Variants in TTC29 observed in about 807,000 individuals in gnomAD.
The protein encoded by TTC29 is tetratricopeptide repeat protein 29.
In TTC29, 49 loss-of-function variants were observed where a neutral mutation model predicts 58.1. The ratio of observed to expected loss-of-function variants is 0.84; its 90% CI spans 0.67 to 1.07. TTC29 has a LOEUF of 1.07. Ranked by LOEUF, TTC29 falls within the 50% of genes least tolerant of loss-of-function variation. The pLI, the probability that TTC29 is intolerant of heterozygous loss-of-function variation, is 0.00. For synonymous variants in TTC29, 209 were observed against 196.8 expected (o/e 1.06, Z -0.52); for missense variants, 582 against 555.6 (o/e 1.05, Z -0.48).
At chr4:146,894,235 G>A (rs1463750354) in intron 6 of TTC29, among the ~76,000 whole-genome samples, 1 of 152,066 alleles carries the variant, frequency 6.6e-6, no homozygotes, top group Non-Finnish European at 1.5e-5. Context: ...GCACACGTAT[G>A]TTTATTGCGG....
Position 146,908,662 on chromosome 4 carries a change from C to T in TTC29, c.400+364G>A, listed in dbSNP as rs552194031. 2.0e-5 allele frequency among the ~76,000 whole-genome samples: 3 copies of T among 152,294 alleles called. No homozygotes were observed. The East Asian group carries it at 5.8e-4, about 29-fold the overall frequency. On this transcript the variant is annotated intron_variant, in intron 5 of 12. Transcript: ENST00000325106. ...AGTGTGATTTTCAAGTTATAGTACT[C>T]TTTGAAAGTATCTCCTCTATGAAAG...
At chr4:146,854,881 A>T (rs1286893770) in intron 8 of TTC29, among the ~76,000 whole-genome samples, 1 of 152,188 alleles carries the variant, frequency 6.6e-6, no homozygotes, top group Non-Finnish European at 1.5e-5. Context: ...AAGCTGTTAC[A>T]CACATCTATA....
At chr4:146,918,224 A>C (rs72960337) in intron 4 of TTC29, among the ~76,000 whole-genome samples, 23,896 of 150,988 alleles carry the variant, frequency 0.16, 3,013 homozygotes, top group African/African-American at 0.34. Context: ...ACAAATTGAA[A>C]AATGCTATTT....
At chr4:146,887,249 C>G (rs747418022) in intron 6 of TTC29, among the ~76,000 whole-genome samples, 1 of 152,052 alleles carries the variant, frequency 6.6e-6, no homozygotes, top group African/African-American at 2.4e-5. Context: ...AACAAAATAA[C>G]CTCTTAGTAT....
intron 11 of TTC29, among the ~76,000 whole-genome samples, chr4:146,799,742 T>C (rs763932210): frequency 3.7e-4 from 56 of 152,352 alleles, no homozygotes; most frequent in Middle Eastern, 3.4e-3. Flanking sequence ...GTTACTGATA[T>C]AATTATTATC....
At chr4:146,913,604 G>A (rs1019691538) in intron 4 of TTC29, among the ~76,000 whole-genome samples, 5 of 152,204 alleles carry the variant, frequency 3.3e-5, no homozygotes, top group East Asian at 1.9e-4. Flanking sequence ...AGGTGTAGGA[G>A]GTTGCTGGTG....
At chr4:146,746,008 T>C (rs1745515233) in intron 11 of TTC29, among the ~76,000 whole-genome samples, 1 of 152,184 alleles carries the variant, frequency 6.6e-6, no homozygotes, top group Non-Finnish European at 1.5e-5. Flanking sequence ...GCTTTCTATA[T>C]TGCAATTGGG....
intron 2 of TTC29, chr4:146,942,647 C>T (rs1017351264): frequency 6.5e-7 from 1 of 1,529,938 alleles, no homozygotes; most frequent in Non-Finnish European, 8.7e-7. Flanking sequence ...CAGTGAACAT[C>T]GGAATCATCT....
At chr4:146,895,129 T>G (rs1394459898) in intron 6 of TTC29, among the ~76,000 whole-genome samples, 3 of 152,194 alleles carry the variant, frequency 2.0e-5, no homozygotes, top group Non-Finnish European at 1.5e-5. Flanking sequence ...TCCAACTCTA[T>G]CTATGTCCCT....
chr4:146,769,410 G>A (rs938445194), intron 11 of TTC29, among the ~76,000 whole-genome samples: 1 of 151,782 alleles, frequency 6.6e-6, no homozygotes, highest in Non-Finnish European at 1.5e-5. Flanking sequence ...ATCAATTATG[G>A]GATTTGACTA....
intron 11 of TTC29, among the ~76,000 whole-genome samples, chr4:146,788,360 C>T (rs1210757774): frequency 1.3e-5 from 2 of 152,184 alleles, no homozygotes; most frequent in Non-Finnish European, 2.9e-5. Context: ...ATGTGGGGCA[C>T]ATTATTCCAT....
intron 9 of TTC29, among the ~76,000 whole-genome samples, chr4:146,828,438 A>G (rs556766843): frequency 1.3e-5 from 2 of 152,190 alleles, no homozygotes; most frequent in African/African-American, 4.8e-5. Flanking sequence ...GATGGGGGAA[A>G]CATGATGATT....
intron 11 of TTC29, among the ~76,000 whole-genome samples, chr4:146,776,361 G>T (rs962163585): frequency 1.4e-4 from 22 of 152,000 alleles, no homozygotes; most frequent in Non-Finnish European, 2.9e-4. Flanking sequence ...TTTTTGAGTT[G>T]CCAGAGTTCT....
intron 11 of TTC29, among the ~76,000 whole-genome samples, chr4:146,747,242 C>T (rs1210124911): frequency 6.6e-6 from 1 of 152,120 alleles, no homozygotes. Flanking sequence ...CCTGCTGTGT[C>T]CCCCACCTGG....
intron 11 of TTC29, among the ~76,000 whole-genome samples, chr4:146,761,369 A>G (rs977182502): frequency 5.9e-5 from 9 of 151,942 alleles, no homozygotes; most frequent in African/African-American, 2.2e-4. Context: ...GAGTGGGTCA[A>G]TTAAAGAACA....
intron 11 of TTC29, among the ~76,000 whole-genome samples, chr4:146,765,742 A>G (rs1303374551): frequency 5.3e-5 from 8 of 152,152 alleles, no homozygotes; most frequent in African/African-American, 1.7e-4. Flanking sequence ...CCTTCATAAG[A>G]CAGACAGACC....
At chr4:146,833,092 C>T (rs1728274521) in intron 9 of TTC29, among the ~76,000 whole-genome samples, 1 of 152,000 alleles carries the variant, frequency 6.6e-6, no homozygotes, top group South Asian at 2.1e-4. Context: ...TTACTGCAAC[C>T]AACATTACTA....
intron 8 of TTC29, among the ~76,000 whole-genome samples, chr4:146,844,097 G>T (rs1579811648): frequency 6.6e-6 from 1 of 152,138 alleles, no homozygotes; most frequent in African/African-American, 2.4e-5. Context: ...AAATGTAATA[G>T]CCTGGTTAAG....
chr4:146,890,991 T>C (rs572769983), intron 6 of TTC29, among the ~76,000 whole-genome samples: 4 of 152,158 alleles, frequency 2.6e-5, no homozygotes, highest in South Asian at 4.2e-4. Flanking sequence ...AGATGGTGGA[T>C]TCACAAATAT....
Sources: gnomAD v4.1 joint callset for allele counts (sites outside exome capture counted in the v4.1 genomes callset) on GRCh38, gnomAD v4.1.1 for gene constraint, MANE v1.5 for transcripts, NCBI Gene and HGNC (gene_info 2026-07-23, HGNC 2026-07-21) for gene names.